Variants in CBLB observed in about 807,000 individuals in gnomAD.
CBLB encodes Cbl proto-oncogene B.
CBLB carries 31 observed loss-of-function variants against 104.9 expected under a neutral mutation model. The observed-to-expected ratio is 0.30, with a 90% CI of 0.22 to 0.40. The LOEUF (loss-of-function observed/expected upper bound fraction) is 0.40. Ranked by LOEUF, CBLB falls within the 10% of genes least tolerant of loss-of-function variation. CBLB has a pLI of 1.00. For synonymous variants in CBLB, 440 were observed against 422.6 expected, an observed-to-expected ratio of 1.04 and a Z score of -0.51; for missense variants, 1,062 against 1,214.6, an observed-to-expected ratio of 0.87 and a Z score of 1.87.
rs542176384 is a variant in CBLB, at chr3:105,822,004, T to C, written c.419+31410A>G. Among the ~76,000 whole-genome samples the C allele has an allele frequency of 2.7e-4, 41 of 152,290 alleles. 1 individual carries two copies. The highest frequency in any genetic ancestry group is 2.2e-3 in the Admixed American group (33 of 15,290). ...TTTGCTTGTTCCATACCAGCACATA[T>C]AAATGTGGCTCATTATATTTAAAAA... is the stretch of plus-strand genomic sequence containing the variant. On this transcript the variant is annotated intron_variant, in intron 3 of 18. Coordinates refer to ENST00000394030, the MANE Select transcript of CBLB (RefSeq NM_170662.5).
At chr3:105,750,267 T>C (rs2076480815) in intron 5 of CBLB, among the ~76,000 whole-genome samples, 2 of 152,176 alleles carry the variant, frequency 1.3e-5, no homozygotes, top group South Asian at 4.1e-4. Context: ...TAATAATGGG[T>C]TCCTTCATAA....
At chr3:105,681,187 T>A in intron 16 of CBLB, 1 of 481,230 alleles carries the variant, frequency 2.1e-6, no homozygotes, top group Non-Finnish European at 3.7e-6. Context: ...AGTCATCACT[T>A]CAAAACTACT....
intron 2 of CBLB, among the ~76,000 whole-genome samples, chr3:105,865,870 T>C (rs1238284490): frequency 2.0e-5 from 3 of 152,170 alleles, no homozygotes; most frequent in Non-Finnish European, 4.4e-5. Flanking sequence ...GAATTCCTTC[T>C]CTTACCCCAA....
intron 3 of CBLB, among the ~76,000 whole-genome samples, chr3:105,800,116 CTT>C (rs2082671185): frequency 6.6e-6 from 1 of 152,130 alleles, no homozygotes; most frequent in South Asian, 2.1e-4. Flanking sequence ...CACCTAATCT[CTT>C]TGGTTTGGGC....
intron 4 of CBLB, among the ~76,000 whole-genome samples, chr3:105,752,015 A>G (rs1403884709): frequency 6.6e-6 from 1 of 152,196 alleles, no homozygotes; most frequent in East Asian, 1.9e-4. Flanking sequence ...ATGGGTCCAT[A>G]TAATAATAGA....
chr3:105,776,056 C>A (rs1252694497), intron 4 of CBLB, among the ~76,000 whole-genome samples: 3 of 152,006 alleles, frequency 2.0e-5, no homozygotes, highest in African/African-American at 7.3e-5. Flanking sequence ...TGCCCTTCTA[C>A]CCTTTATTTT....
At position 105,686,519 on chromosome 3, in the gene CBLB, C is replaced by T. The variant is rs541804787; in HGVS notation, c.2055-1053G>A. Reference sequence around the variant, plus strand: ...CACCTTCTATAGAGGGAGCAAGAGGCCTTTGGTATATTAAACAAACATGCC... The same window carrying T: ...CACCTTCTATAGAGGGAGCAAGAGGTCTTTGGTATATTAAACAAACATGCC... On this transcript the variant is annotated intron_variant, in intron 13 of 18. Transcript: ENST00000394030. Among the ~76,000 whole-genome samples, 7 of 151,488 alleles carry T rather than the reference C, an allele frequency of 4.6e-5. No homozygotes were observed. In the South Asian group the frequency reaches 1.0e-3, roughly 23 times the overall value.
intron 3 of CBLB, among the ~76,000 whole-genome samples, chr3:105,829,922 G>A (rs1416715594): frequency 2.0e-5 from 3 of 151,854 alleles, no homozygotes; most frequent in Non-Finnish European, 4.4e-5. Flanking sequence ...TTAATTTAAG[G>A]GGATATCTCA....
At chr3:105,868,343 G>A (rs1706460922) in intron 1 of CBLB, 1 of 619,062 alleles carries the variant, frequency 1.6e-6, no homozygotes, top group Non-Finnish European at 2.3e-6. Context: ...GTTTCAGGAC[G>A]CCTGTGTCCC....
intron 3 of CBLB, among the ~76,000 whole-genome samples, chr3:105,841,577 C>G (rs1419799561): frequency 6.6e-6 from 1 of 151,664 alleles, no homozygotes; most frequent in Non-Finnish European, 1.5e-5. Flanking sequence ...CTCAGCCTCC[C>G]GAGTAGCTGG....
At chr3:105,782,987 A>G (rs1577150464) in intron 3 of CBLB, among the ~76,000 whole-genome samples, 1 of 152,366 alleles carries the variant, frequency 6.6e-6, no homozygotes, top group African/African-American at 2.4e-5. Flanking sequence ...AAATAAATAT[A>G]TTTAAATGGA....
chr3:105,666,268 C>T (rs932703460), intron 18 of CBLB, among the ~76,000 whole-genome samples: 7 of 152,108 alleles, frequency 4.6e-5, no homozygotes, highest in Middle Eastern at 3.2e-3. Context: ...TATAAATACA[C>T]TTAATTGATC....
intron 4 of CBLB, among the ~76,000 whole-genome samples, chr3:105,772,602 C>T (rs1026697664): frequency 1.3e-5 from 2 of 152,128 alleles, no homozygotes; most frequent in African/African-American, 4.8e-5. Flanking sequence ...GGAGAACATA[C>T]TTGCAAACTA....
At chr3:105,769,358 G>A (rs752195289) in intron 4 of CBLB, among the ~76,000 whole-genome samples, 3 of 152,034 alleles carry the variant, frequency 2.0e-5, no homozygotes, top group South Asian at 2.1e-4. Flanking sequence ...TCCAGGAAAC[G>A]TGTCAGGCTC....
chr3:105,808,366 CCTGT>C (rs1173605364), intron 3 of CBLB, among the ~76,000 whole-genome samples: 7 of 152,174 alleles, frequency 4.6e-5, no homozygotes, highest in Non-Finnish European at 8.8e-5. Context: ...TCTCTAAGGA[CCTGT>C]CTGTGTATTT....
intron 3 of CBLB, among the ~76,000 whole-genome samples, chr3:105,788,600 A>T (rs1479920173): frequency 6.6e-6 from 1 of 152,180 alleles, no homozygotes; most frequent in Non-Finnish European, 1.5e-5. Context: ...CACTGACTTA[A>T]CCTCTTCAAG....
At chr3:105,690,297 T>C (rs9288814) in intron 13 of CBLB, among the ~76,000 whole-genome samples, 151,654 of 152,230 alleles carry the variant, frequency 1, 75,543 homozygotes, top group Non-Finnish European at 1. Flanking sequence ...CTCGAACATC[T>C]GACATTCCTA....
At chr3:105,839,720 T>C (rs2089249145) in intron 3 of CBLB, among the ~76,000 whole-genome samples, 1 of 152,174 alleles carries the variant, frequency 6.6e-6, no homozygotes, top group South Asian at 2.1e-4. Context: ...CCATTGAAAA[T>C]TTACTCACAG....
intron 3 of CBLB, among the ~76,000 whole-genome samples, chr3:105,777,895 C>T (rs564886660): frequency 2.0e-5 from 3 of 152,222 alleles, no homozygotes; most frequent in South Asian, 2.1e-4. Flanking sequence ...TTCAATATTA[C>T]GTTAATCGGC....
Sources: gnomAD v4.1 joint callset for allele counts (sites outside exome capture counted in the v4.1 genomes callset) on GRCh38, gnomAD v4.1.1 for gene constraint, MANE v1.5 for transcripts, NCBI Gene and HGNC (gene_info 2026-07-23, HGNC 2026-07-21) for gene names.